Variants in GRIP1 observed in about 807,000 individuals in gnomAD.
The protein encoded by GRIP1 is glutamate receptor-interacting protein 1.
A neutral mutation model predicts 129.9 loss-of-function variants in GRIP1; 45 were observed. That is an observed-to-expected ratio of 0.35 (90% confidence interval 0.27 to 0.44). GRIP1 has a LOEUF of 0.44. GRIP1 is among the 20% of genes least tolerant of loss of function. The pLI, the probability that GRIP1 is intolerant of heterozygous loss-of-function variation, is 1.00. For synonymous variants in GRIP1, 530 were observed against 520.8 expected, an observed-to-expected ratio of 1.02 and a Z score of -0.24; for missense variants, 1,196 against 1,396.8, an observed-to-expected ratio of 0.86 and a Z score of 2.29.
intron 1 of GRIP1, among the ~76,000 whole-genome samples, chr12:66,772,909 G>C (rs1329738214): frequency 1.3e-5 from 2 of 152,136 alleles, no homozygotes; most frequent in African/African-American, 4.8e-5. Flanking sequence ...AGACCATCAA[G>C]AGTGGCAAGA....
At chr12:66,352,977 G>A (rs1041589031) in intron 24 of GRIP1, among the ~76,000 whole-genome samples, 3 of 152,162 alleles carry the variant, frequency 2.0e-5, no homozygotes, top group Admixed American at 1.3e-4. Context: ...ATGAATGAAT[G>A]AATGAAGAGG....
At chr12:66,916,633 A>G (rs2041127135) in intron 1 of GRIP1, among the ~76,000 whole-genome samples, 1 of 152,084 alleles carries the variant, frequency 6.6e-6, no homozygotes, top group South Asian at 2.1e-4. Flanking sequence ...AAAATCTCAT[A>G]TTCCAACAGG....
At chr12:66,821,554 A>AT (rs528284501) in intron 1 of GRIP1, among the ~76,000 whole-genome samples, 46 of 152,330 alleles carry the variant, frequency 3.0e-4, no homozygotes, top group African/African-American at 1.1e-3. Flanking sequence ...AGCTGCAAAG[A>AT]TAAAAAAAAG....
chr12:66,723,595 G>A lies in GRIP1; in HGVS notation c.-420+80458C>T, dbSNP rs149174270. Among the ~76,000 whole-genome samples, 514 of 152,114 alleles carry A rather than the reference G, an allele frequency of 3.4e-3. 2 individuals carry two copies. Among genetic ancestry groups the A allele is most frequent in the African/African-American group, 0.012 (484 of 41,462 alleles). On this transcript the variant is annotated intron_variant, in intron 1 of 4. Transcript: ENST00000538373. ...CCCAGAGTGCTAGGATCACAGGCAT[G>A]AGCCACCACGCCTGGCCTCATTTTC...
intron 1 of GRIP1, among the ~76,000 whole-genome samples, chr12:67,025,398 C>G (rs2042927844): frequency 1.3e-5 from 2 of 151,986 alleles, no homozygotes; most frequent in Non-Finnish European, 2.9e-5. Flanking sequence ...AACAATCACA[C>G]AGCCTATGAA....
intron 2 of GRIP1, among the ~76,000 whole-genome samples, chr12:66,593,562 A>C (rs774127407): frequency 6.6e-6 from 1 of 152,234 alleles, no homozygotes; most frequent in Non-Finnish European, 1.5e-5. Flanking sequence ...ATCTACATTT[A>C]TAGAATAAGT....
intron 1 of GRIP1, among the ~76,000 whole-genome samples, chr12:66,841,387 G>A (rs10506506): frequency 0.16 from 24,600 of 152,084 alleles, 2,145 homozygotes; most frequent in East Asian, 0.37. Flanking sequence ...TAGTATTGAG[G>A]AATAGGCTAG....
chr12:66,510,430 A>C (rs908091662), intron 7 of GRIP1, among the ~76,000 whole-genome samples: 11 of 152,150 alleles, frequency 7.2e-5, no homozygotes, highest in African/African-American at 2.4e-4. Flanking sequence ...ATGACTTAAA[A>C]ATTTATATCT....
intron 1 of GRIP1, among the ~76,000 whole-genome samples, chr12:66,625,358 T>G (rs995076198): frequency 6.6e-6 from 1 of 152,208 alleles, no homozygotes; most frequent in African/African-American, 2.4e-5. Context: ...CATACAGACA[T>G]ATTTTCACAT....
intron 1 of GRIP1, among the ~76,000 whole-genome samples, chr12:67,045,747 G>A (rs1419068435): frequency 6.6e-6 from 1 of 152,162 alleles, no homozygotes; most frequent in Non-Finnish European, 1.5e-5. Flanking sequence ...GACCACCCTG[G>A]AAGCTGGGCC....
chr12:66,920,232 G>A (rs928746576), intron 1 of GRIP1, among the ~76,000 whole-genome samples: 2 of 152,096 alleles, frequency 1.3e-5, no homozygotes, highest in African/African-American at 4.8e-5. Flanking sequence ...GCATTGTTGA[G>A]CAAGGTTCTC....
At chr12:66,603,369 T>C (rs1482207498) in intron 1 of GRIP1, among the ~76,000 whole-genome samples, 3 of 152,160 alleles carry the variant, frequency 2.0e-5, no homozygotes, top group East Asian at 3.9e-4. Context: ...TATAAGATCA[T>C]TTCTTCCCCT....
At chr12:66,893,751 G>A (rs1395698837) in intron 1 of GRIP1, among the ~76,000 whole-genome samples, 1 of 152,286 alleles carries the variant, frequency 6.6e-6, no homozygotes, top group East Asian at 1.9e-4. Flanking sequence ...GAGTCAAAGG[G>A]TTAATGTACG....
chr12:66,495,268 C>T (rs1198464330), intron 7 of GRIP1, among the ~76,000 whole-genome samples: 1 of 152,120 alleles, frequency 6.6e-6, no homozygotes, highest in Admixed American at 6.5e-5. Context: ...GCTTCTATTA[C>T]GATGCAGTGA....
At chr12:66,758,882 G>A (rs2037383768) in intron 1 of GRIP1, among the ~76,000 whole-genome samples, 1 of 152,132 alleles carries the variant, frequency 6.6e-6, no homozygotes, top group Non-Finnish European at 1.5e-5. Flanking sequence ...TGCTCCTGTG[G>A]CTTTTCGGGT....
At chr12:66,476,962 C>CA in intron 7 of GRIP1, among the ~76,000 whole-genome samples, 1 of 152,100 alleles carries the variant, frequency 6.6e-6, no homozygotes, top group Non-Finnish European at 1.5e-5. Context: ...CTTTGAAAAC[C>CA]GGCACAAGAC....
intron 1 of GRIP1, among the ~76,000 whole-genome samples, chr12:66,656,348 T>A (rs78503259): frequency 0.047 from 7,129 of 151,506 alleles, 206 homozygotes; most frequent in East Asian, 0.11. Context: ...TTTCCCATTT[T>A]AAAAAAAAAC....
chr12:66,514,743 T>C (rs2060795354), intron 7 of GRIP1, among the ~76,000 whole-genome samples: 2 of 152,136 alleles, frequency 1.3e-5, no homozygotes, highest in Non-Finnish European at 2.9e-5. Flanking sequence ...AGATTAAGAA[T>C]AGTCTTGTAT....
chr12:66,435,202 AT>A (rs35281910), intron 13 of GRIP1, among the ~76,000 whole-genome samples: 65 of 139,400 alleles, frequency 4.7e-4, no homozygotes, highest in South Asian at 3.6e-3. Context: ...ACGTGTGACC[AT>A]TTTTTTTTTT....
Sources: allele counts gnomAD v4.1 joint callset (sites outside exome capture counted in the v4.1 genomes callset), GRCh38; gene constraint gnomAD v4.1.1; transcripts MANE v1.5; gene names NCBI Gene and HGNC (gene_info 2026-07-23, HGNC 2026-07-21).